The following ANHX variants were observed in gnomAD, a reference collection of about 807,000 sequenced individuals.
The protein encoded by ANHX is anomalous homeobox, also known as anomalous homeobox protein.
A neutral mutation model predicts 38.9 loss-of-function variants in ANHX; 20 were observed. The observed-to-expected ratio is 0.51, with a 90% CI of 0.36 to 0.75. The LOEUF (loss-of-function observed/expected upper bound fraction) is 0.75, where lower values mean the gene tolerates loss of function less well. ANHX is among the 30% of genes least tolerant of loss of function. The probability of loss-of-function intolerance (pLI) is 0.00; values close to 1 mark genes in which losing one functional copy is unlikely to be tolerated. For missense variants in ANHX, 475 were observed against 493.1 expected, an observed-to-expected ratio of 0.96 and a Z score of 0.35; for synonymous variants, 185 against 203.1, an observed-to-expected ratio of 0.91 and a Z score of 0.76.
chr12:133,226,367 C>T lies in ANHX; in HGVS notation c.790G>A (p.Ala264Thr). ...GTCTCATCTGCGGGAAAGTCCGGGG[C>T]TAAGGCCAGTGGCTCCCATGGTCCT... ...TQGPWEPLAL[A>T]PDFPADETVS... The change falls in exon 6 of 10, where the codon GCC becomes ACC. Residue 264 changes from alanine (A) to threonine (T), a missense_variant. Coordinates refer to ENST00000545940, the MANE Select transcript of ANHX (RefSeq NM_001372060.1). The T allele has an allele frequency of 6.5e-7, 1 of 1,536,266 alleles. No homozygotes were observed. The highest frequency in any genetic ancestry group is 8.7e-7 in the Non-Finnish European group (1 of 1,146,914).
intron 2 of ANHX, among the ~76,000 whole-genome samples, chr12:133,233,812 C>T (rs147756605): frequency 6.6e-6 from 1 of 152,198 alleles, no homozygotes; most frequent in Non-Finnish European, 1.5e-5. Flanking sequence ...GACAGGACTG[C>T]ATTTTATTCA....
intron 5 of ANHX, 32 bp downstream of exon 5, chr12:133,226,904 C>T (rs1427984335): frequency 1.9e-5 from 28 of 1,475,342 alleles, no homozygotes; most frequent in Non-Finnish European, 2.2e-5. Context: ...GCTCCCCGAC[C>T]ACAAGGAGAC....
chr12:133,231,713 C>T lies in ANHX; in HGVS notation c.250-69G>A, dbSNP rs1957281083. 4.0e-6 allele frequency: 6 copies of T among 1,510,150 alleles called. No homozygotes were observed. The South Asian group carries it at 6.1e-5, about 15-fold the overall frequency. 93.5% of individuals were successfully genotyped at this position (1,510,150 alleles called of 1,614,324 possible). A position where few individuals can be genotyped will look rare whatever the true frequency, so the allele number is the denominator to read the frequency against. ...GGAGCACTGTTGGGACCTGCATCTG[C>T]CATCCCAAACCGACTCAGCCTTGGG... On this transcript the variant is annotated intron_variant, in intron 2 of 9. Transcript: ENST00000545940.
At chr12:133,231,784 A>T in intron 2 of ANHX, 140 bp from the exon 3 acceptor site, 1 of 1,121,976 alleles carries the variant, frequency 8.9e-7, no homozygotes, top group East Asian at 2.6e-5. Flanking sequence ...AAATTCACTG[A>T]TTTTACAAAG....
chr12:133,233,990 C>T (rs187423229), intron 2 of ANHX, 118 bp downstream of exon 2: 2,016 of 1,346,258 alleles, frequency 1.5e-3, no homozygotes, highest in Admixed American at 2.0e-3. Context: ...GGGGGTGGGC[C>T]TCTGGCCAGT....
chr12:133,228,995 T>C (rs1200601106), intron 3 of ANHX, among the ~76,000 whole-genome samples: 3 of 152,168 alleles, frequency 2.0e-5, no homozygotes, highest in Non-Finnish European at 4.4e-5. Flanking sequence ...TCAGCTCTCC[T>C]CTTAACTGGC....
intron 9 of ANHX, 132 bp from the exon 10 acceptor site, chr12:133,219,103 A>G: frequency 3.0e-6 from 3 of 1,011,250 alleles, no homozygotes. Flanking sequence ...ATGTTGCCCC[A>G]CAGCATCCCT....
At chr12:133,235,672 A>G (rs1375616971) in intron 1 of ANHX, 135 bp downstream of exon 1, 17 of 53,694 alleles carry the variant, frequency 3.2e-4, no homozygotes, top group African/African-American at 9.6e-4. Flanking sequence ...CGCGCCCCTT[A>G]TCCTCCAGGA....
rs146158911 is a variant in ANHX, at chr12:133,225,839, T to C, written c.840-11A>G. On this transcript the variant is annotated splice_polypyrimidine_tract_variant and intron_variant, in intron 6 of 9. Coordinates refer to ENST00000545940, the MANE Select transcript of ANHX (RefSeq NM_001372060.1). ...CCACCTGGCAGAGACCTGGGGGACATGGAGAACACTGTCTCTTGGTGGGCA... is the reference window on the plus strand; with the variant it reads ...CCACCTGGCAGAGACCTGGGGGACACGGAGAACACTGTCTCTTGGTGGGCA... Among the ~76,000 whole-genome samples, 11,098 of 151,936 alleles carry C rather than the reference T, an allele frequency of 0.073. 607 individuals are homozygous for C. Among genetic ancestry groups the C allele is most frequent in the African/African-American group, 0.16 (6,762 of 41,402 alleles).
intron 4 of ANHX, 105 bp from the exon 5 acceptor site, chr12:133,227,257 AG>A: frequency 7.9e-7 from 1 of 1,259,426 alleles, no homozygotes; most frequent in Non-Finnish European, 1.1e-6. Flanking sequence ...AGGGGGTGAC[AG>A]CCCAGCCTAA....
chr12:133,233,670 G>A (rs1957318642), intron 2 of ANHX, among the ~76,000 whole-genome samples: 1 of 152,194 alleles, frequency 6.6e-6, no homozygotes, highest in Admixed American at 6.5e-5. Context: ...AGTGCCTAAT[G>A]CGTTGAGGTT....
In ANHX at chr12:133,234,300, C is replaced by T. The variant is rs547005184; in HGVS notation, c.57G>A (p.Ala19=). 1.3e-4 allele frequency: 197 copies of T among 1,536,122 alleles called. No homozygotes were observed. The highest frequency in any genetic ancestry group is 1.8e-4 in the African/African-American group (13 of 73,172). Residue 19 remains alanine (A), a synonymous_variant, in exon 2 of 10, where the codon GCG becomes GCA. Transcript: ENST00000545940. ...KEHEDTCAPP[A]ELVTLAGRLC... is the part of the protein sequence containing the mutation. ...GTCTGCCCGCAAGGGTCACCAGCTC[C>T]GCCGGGGGTGCACAGGTGTCCTCAT...
intron 3 of ANHX, among the ~76,000 whole-genome samples, chr12:133,228,904 C>G (rs1957229846): frequency 6.6e-6 from 1 of 152,204 alleles, no homozygotes; most frequent in Admixed American, 6.5e-5. Flanking sequence ...CCACTGTCTC[C>G]TTGTCTCTGT....
chr12:133,222,516 G>C (rs1327700250), intron 7 of ANHX, among the ~76,000 whole-genome samples: 2 of 152,202 alleles, frequency 1.3e-5, no homozygotes, highest in Non-Finnish European at 1.5e-5. Flanking sequence ...CAGGTCTGAA[G>C]ACCAGCTCCT....
chr12:133,220,075 T>C (rs770092072), intron 8 of ANHX, among the ~76,000 whole-genome samples: 2 of 152,082 alleles, frequency 1.3e-5, no homozygotes, highest in Non-Finnish European at 2.9e-5. Flanking sequence ...AGCAGATCCA[T>C]GGTCCTGGGT....
rs1319357953 is a variant in ANHX at position 133,218,605 on chromosome 12, G to A, written c.*280C>T. The A allele has an allele frequency of 1.8e-5, 5 of 274,360 alleles. No homozygotes were observed. The highest frequency in any genetic ancestry group is 6.3e-5 in the East Asian group (1 of 15,926). 17.0% of individuals were successfully genotyped at this position (274,360 alleles called of 1,614,324 possible). A position where few individuals can be genotyped will look rare whatever the true frequency, so the allele number is the denominator to read the frequency against. ...ATGGCCTTCTCTGCACGAGTGCCCC[G>A]GAGCCCGACTGATCCAGTGCTGCGT... On this transcript the variant is annotated 3_prime_UTR_variant, in exon 10 of 10. Transcript: ENST00000545940.
At chr12:133,224,972 A>AC (rs1444719195) in intron 7 of ANHX, among the ~76,000 whole-genome samples, 7 of 151,204 alleles carry the variant, frequency 4.6e-5, no homozygotes, top group South Asian at 4.2e-4. Context: ...CAAAAAAAAA[A>AC]AAAAACAAAA....
intron 6 of ANHX, among the ~76,000 whole-genome samples, 102 bp from the exon 7 acceptor site, chr12:133,225,930 G>A (rs1957182861): frequency 6.6e-6 from 1 of 152,234 alleles, no homozygotes; most frequent in African/African-American, 2.4e-5. Context: ...TGTGCAGTAG[G>A]AACTCAAGAG....
At chr12:133,227,461 G>A (rs1301712130) in intron 4 of ANHX, among the ~76,000 whole-genome samples, 1 of 152,184 alleles carries the variant, frequency 6.6e-6, no homozygotes, top group Non-Finnish European at 1.5e-5. Context: ...CAAGCCCCTG[G>A]AGGGGCAGGG....
Sources: gnomAD v4.1 joint callset for allele counts (sites outside exome capture counted in the v4.1 genomes callset) on GRCh38, gnomAD v4.1.1 for gene constraint, MANE v1.5 for transcripts, NCBI Gene and HGNC (gene_info 2026-07-23, HGNC 2026-07-21) for gene names.